The following GRXCR2 variants were observed in gnomAD, a reference collection of about 807,000 sequenced individuals.
GRXCR2 encodes glutaredoxin domain-containing cysteine-rich protein 2.
Under a neutral mutation model 24.8 loss-of-function variants are expected in GRXCR2, and 23 were observed. The observed-to-expected ratio is 0.93, with a 90% CI of 0.67 to 1.32. GRXCR2 has a LOEUF of 1.32. GRXCR2 is among the 40% of genes most tolerant of loss of function. The probability of loss-of-function intolerance (pLI) is 0.00; values close to 1 mark genes in which losing one functional copy is unlikely to be tolerated. For synonymous variants in GRXCR2, 130 were observed against 116.1 expected, an observed-to-expected ratio of 1.12 and a Z score of -0.77; for missense variants, 315 against 303.4, an observed-to-expected ratio of 1.04 and a Z score of -0.28.
At chr5:145,876,230 CAT>C (rs1756615560), upstream of GRXCR2, among the ~76,000 whole-genome samples, 17 of 133,848 alleles carry the variant, frequency 1.3e-4, no homozygotes, top group African/African-American at 3.3e-4. Context: ...CACACACACA[CAT>C]ACCCACACAC....
rs149353329 is a variant in GRXCR2, at chr5:145,906,869, C to T, written c.-70+28832G>A. On this transcript the variant is annotated intron_variant, in intron 2 of 3. Coordinates refer to the GRXCR2 transcript ENST00000639411. The stretch of plus-strand genomic sequence containing the variant: ...AATGTATAGTATGCAAGATAGTGAT[C>T]CGAAATGAAACAGGGGAGGGAACAT... 8.8e-4 allele frequency among the ~76,000 whole-genome samples: 129 copies of T among 146,874 alleles called. 1 individual carries two copies. Among genetic ancestry groups the T allele is most frequent in the African/African-American group, 3.3e-3 (124 of 37,844 alleles).
downstream of GRXCR2, among the ~76,000 whole-genome samples, chr5:145,857,751 T>C (rs1376029728): frequency 1.3e-5 from 2 of 152,206 alleles, no homozygotes; most frequent in African/African-American, 4.8e-5. Flanking sequence ...CACTTCTTCC[T>C]CTGGGCAACC....
At chr5:145,901,340 TAATA>T (rs1394129274) in intron 2 of GRXCR2, among the ~76,000 whole-genome samples, 1 of 152,162 alleles carries the variant, frequency 6.6e-6, no homozygotes, top group African/African-American at 2.4e-5. Context: ...TTTTCCATGT[TAATA>T]TATATAGAAC....
intron 2 of GRXCR2, among the ~76,000 whole-genome samples, chr5:145,889,172 A>AAAAAG (rs757883920): frequency 6.2e-4 from 52 of 84,042 alleles, no homozygotes; most frequent in African/African-American, 2.3e-3. Flanking sequence ...CTGTCTCAAA[A>AAAAAG]AAAGAAAGAA....
rs546745302 is a variant in GRXCR2, at chr5:145,912,310, C to T, written c.-70+23391G>A. Among the ~76,000 whole-genome samples, 15 of 152,198 alleles carry T rather than the reference C, an allele frequency of 9.9e-5. No individual in the cohort carries two copies. The East Asian group carries it at 1.9e-3, about 20-fold the overall frequency. On this transcript the variant is annotated intron_variant, in intron 2 of 3. Coordinates refer to the GRXCR2 transcript ENST00000639411. ...GCAGGAGCTGTGGGAGAGGGAGGTT[C>T]GGGAGGCCATGAGAGCTAAAAAGGG...
At chr5:145,869,893 A>G (rs1421359988) in intron 1 of GRXCR2, among the ~76,000 whole-genome samples, 4 of 152,036 alleles carry the variant, frequency 2.6e-5, no homozygotes, top group Non-Finnish European at 4.4e-5. Flanking sequence ...AATCATCACA[A>G]CAACTCTTAA....
At chr5:145,884,061 A>G (rs560158475) in intron 2 of GRXCR2, among the ~76,000 whole-genome samples, 1 of 152,334 alleles carries the variant, frequency 6.6e-6, no homozygotes, top group African/African-American at 2.4e-5. Context: ...AAAAATCTTG[A>G]TGGTGAGAGG....
chr5:145,862,706 A>G (rs1365095649), intron 2 of GRXCR2, among the ~76,000 whole-genome samples: 2 of 152,208 alleles, frequency 1.3e-5, no homozygotes, highest in African/African-American at 4.8e-5. Flanking sequence ...ACCAGTGCCA[A>G]TTGAGACTGC....
intron 1 of GRXCR2, 49 bp from the exon 2 acceptor site, chr5:145,866,777 T>A: frequency 1.7e-6 from 2 of 1,197,244 alleles, no homozygotes; most frequent in Non-Finnish European, 1.2e-6. Context: ...AATCACCAAG[T>A]AGAGGGCTGC....
At chr5:145,870,971 T>A (rs1464944753) in intron 1 of GRXCR2, among the ~76,000 whole-genome samples, 1 of 152,138 alleles carries the variant, frequency 6.6e-6, no homozygotes, top group Non-Finnish European at 1.5e-5. Context: ...CCAGAGAGGC[T>A]GAGGCAGGAG....
chr5:145,876,354 G>C (rs2149913719), upstream of GRXCR2, among the ~76,000 whole-genome samples: 1 of 148,580 alleles, frequency 6.7e-6, no homozygotes, highest in Non-Finnish European at 1.5e-5. Flanking sequence ...TTAGCTCACT[G>C]CAACCTCTGC....
intron 2 of GRXCR2, among the ~76,000 whole-genome samples, chr5:145,908,489 C>A (rs1361904806): frequency 6.6e-6 from 1 of 152,084 alleles, no homozygotes. Context: ...AAGGCTCTGA[C>A]AATTTTATTT....
At chr5:145,914,057 T>G (rs1757200558) in intron 2 of GRXCR2, among the ~76,000 whole-genome samples, 2 of 152,122 alleles carry the variant, frequency 1.3e-5, no homozygotes, top group Non-Finnish European at 2.9e-5. Context: ...AACTCAACAT[T>G]TCTGTGTTGG....
intron 2 of GRXCR2, among the ~76,000 whole-genome samples, chr5:145,885,164 G>A (rs1453209694): frequency 6.6e-6 from 1 of 151,424 alleles, no homozygotes; most frequent in African/African-American, 2.4e-5. Context: ...CTCCAGCATG[G>A]CATTTTTCTT....
At chr5:145,872,500 C>T (rs1756548192) in intron 1 of GRXCR2, 133 bp downstream of exon 1, 3 of 631,848 alleles carry the variant, frequency 4.7e-6, no homozygotes, top group Non-Finnish European at 7.9e-6. Context: ...AACAACTTCC[C>T]ATTTGGTGCA....
chr5:145,897,062 C>A (rs1420258820), intron 2 of GRXCR2, among the ~76,000 whole-genome samples: 3 of 142,668 alleles, frequency 2.1e-5, no homozygotes, highest in Non-Finnish European at 4.5e-5. Context: ...CATGTTCTCA[C>A]TCATAGGTGG....
intron 2 of GRXCR2, among the ~76,000 whole-genome samples, chr5:145,893,874 T>C (rs1756908238): frequency 6.6e-6 from 1 of 152,134 alleles, no homozygotes; most frequent in Admixed American, 6.5e-5. Context: ...ATTGACCACA[T>C]AGTTGGAAGT....
intron 2 of GRXCR2, among the ~76,000 whole-genome samples, chr5:145,885,485 A>G (rs1194309935): frequency 6.6e-6 from 1 of 152,188 alleles, no homozygotes; most frequent in Non-Finnish European, 1.5e-5. Flanking sequence ...AGTCCAGCCC[A>G]TCTAAAGTGT....
chr5:145,861,626 T>C (rs906254515), intron 2 of GRXCR2, among the ~76,000 whole-genome samples: 5 of 152,140 alleles, frequency 3.3e-5, no homozygotes, highest in Non-Finnish European at 5.9e-5. Context: ...ACTTGTACCA[T>C]TTCATGATCA....
Sources: allele counts gnomAD v4.1 joint callset (sites outside exome capture counted in the v4.1 genomes callset), GRCh38; gene constraint gnomAD v4.1.1; transcripts MANE v1.5; gene names NCBI Gene and HGNC (gene_info 2026-07-23, HGNC 2026-07-21).